Variants in GRM5 observed in about 807,000 individuals in gnomAD.
The protein encoded by GRM5 is metabotropic glutamate receptor 5.
A neutral mutation model predicts 83.1 loss-of-function variants in GRM5; 19 were observed. That is an observed-to-expected ratio of 0.23 (90% CI 0.16 to 0.34). The LOEUF is 0.34. Among genes scored for constraint, GRM5 ranks in the 10% least tolerant of loss-of-function variants. The pLI is 1.00. For synonymous variants in GRM5, 675 were observed against 633.6 expected, an observed-to-expected ratio of 1.07 and a Z score of -0.98; for missense variants, 1,160 against 1,588.3, an observed-to-expected ratio of 0.73 and a Z score of 4.58.
chr11:88,854,092 T>C (rs1303084790), intron 2 of GRM5, among the ~76,000 whole-genome samples: 1 of 129,168 alleles, frequency 7.7e-6, no homozygotes, highest in Non-Finnish European at 1.5e-5. Flanking sequence ...AATGAAATAC[T>C]AGTCAGCCTA....
At chr11:88,873,424 C>T (rs904978893) in intron 2 of GRM5, among the ~76,000 whole-genome samples, 23 of 151,498 alleles carry the variant, frequency 1.5e-4, no homozygotes, top group African/African-American at 5.6e-4. Context: ...TTCTCAGCAG[C>T]ACATGGAACA....
intron 2 of GRM5, among the ~76,000 whole-genome samples, chr11:88,882,783 C>G (rs577279267): frequency 6.6e-6 from 1 of 152,068 alleles, no homozygotes; most frequent in East Asian, 1.9e-4. Context: ...TGGCTGTGTT[C>G]CCACCCAAAT....
intron 3 of GRM5, among the ~76,000 whole-genome samples, chr11:88,818,249 T>G (rs891979961): frequency 6.6e-6 from 1 of 152,120 alleles, no homozygotes; most frequent in Non-Finnish European, 1.5e-5. Flanking sequence ...ACATTTGGTT[T>G]ACTTGCCACC....
intron 2 of GRM5, among the ~76,000 whole-genome samples, chr11:88,938,000 A>T (rs1401262169): frequency 1.3e-5 from 2 of 151,790 alleles, no homozygotes; most frequent in Admixed American, 6.6e-5. Flanking sequence ...TAGAGCTGAA[A>T]ATAATGTATT....
At position 89,029,138 on chromosome 11, in the gene GRM5, C is replaced by T. The variant is rs562724602; in HGVS notation, c.661+18074G>A. On this transcript the variant is annotated intron_variant, in intron 2 of 9. Coordinates refer to ENST00000305447, the MANE Select transcript of GRM5 (RefSeq NM_001143831.3). Reference sequence around the variant, plus strand: ...ATCTTTTTTATGCCTGCATAGTATTCCATGGTTTATATGTGCCACATTTTC... The same window carrying T: ...ATCTTTTTTATGCCTGCATAGTATTTCATGGTTTATATGTGCCACATTTTC... Among the ~76,000 whole-genome samples the T allele has an allele frequency of 2.9e-4, 44 of 152,318 alleles. 1 individual carries two copies. The South Asian group carries it at 5.4e-3, about 19-fold the overall frequency.
intron 9 of GRM5, chr11:88,524,184 T>TCTC (rs1555059972): frequency 2.1e-5 from 3 of 142,758 alleles, no homozygotes; most frequent in Non-Finnish European, 3.1e-5. Context: ...TTCTTTTCTT[T>TCTC]TTTCTTTTTC....
At chr11:89,020,831 C>G (rs1452903945) in intron 2 of GRM5, among the ~76,000 whole-genome samples, 1 of 152,100 alleles carries the variant, frequency 6.6e-6, no homozygotes, top group Non-Finnish European at 1.5e-5. Flanking sequence ...TCATTTAATT[C>G]TCAAATATCC....
Position 88,526,053 on chromosome 11 carries a change from G to T in GRM5, c.2631-649C>A, listed in dbSNP as rs118075972. On this transcript the variant is annotated intron_variant, in intron 8 of 9. Coordinates refer to ENST00000305447, the MANE Select transcript of GRM5 (RefSeq NM_001143831.3). ...CTCATTGAGTGATACCATTCTGGAT[G>T]TTGTTAGACATTGGCAATAACAGAG... Among the ~76,000 whole-genome samples the T allele has an allele frequency of 1.2e-3, 176 of 152,308 alleles. 3 individuals carry two copies. In the East Asian group the frequency reaches 0.021, roughly 19 times the overall value.
At chr11:89,049,832 G>GT (rs1257500197) in intron 1 of GRM5, among the ~76,000 whole-genome samples, 1 of 152,104 alleles carries the variant, frequency 6.6e-6, no homozygotes, top group Non-Finnish European at 1.5e-5. Context: ...ATTTTTCATT[G>GT]GCAAGTCATT....
chr11:88,909,545 T>TACACACACACAC (rs60637208), intron 2 of GRM5, among the ~76,000 whole-genome samples: 10 of 146,096 alleles, frequency 6.8e-5, no homozygotes, highest in East Asian at 4.0e-4. Flanking sequence ...TCCTCACCAG[T>TACACACACACAC]ACACACACAC....
At chr11:88,856,441 G>A (rs996731286) in intron 2 of GRM5, among the ~76,000 whole-genome samples, 3 of 151,956 alleles carry the variant, frequency 2.0e-5, no homozygotes, top group Non-Finnish European at 2.9e-5. Context: ...GGCCTTTAGG[G>A]GCAATAACAT....
At chr11:88,841,365 C>A (rs2135530807) in intron 3 of GRM5, among the ~76,000 whole-genome samples, 1 of 152,266 alleles carries the variant, frequency 6.6e-6, no homozygotes, top group African/African-American at 2.4e-5. Context: ...CCATCCTTTG[C>A]TAACACTAAA....
rs1189441234 is a variant in GRM5 at position 88,813,789 on chromosome 11, T to C, written c.911+36117A>G. On this transcript the variant is annotated intron_variant, in intron 3 of 9. Transcript: ENST00000305447. ...AAGATTCATATAAAATGTTGAATCA[T>C]CTGGAGAATTTCAGGCTTGGGTAGG... Among the ~76,000 whole-genome samples the C allele has an allele frequency of 2.6e-5, 4 of 152,186 alleles. 1 individual carries two copies. The highest frequency in any genetic ancestry group is 1.3e-4 in the Admixed American group (2 of 15,278).
At chr11:88,756,483 C>T (rs1172711084) in intron 3 of GRM5, among the ~76,000 whole-genome samples, 1 of 152,018 alleles carries the variant, frequency 6.6e-6, no homozygotes, top group Non-Finnish European at 1.5e-5. Flanking sequence ...AAGACATCAG[C>T]ATGACAAGAT....
chr11:88,849,426 G>A (rs1188524083), intron 3 of GRM5, among the ~76,000 whole-genome samples: 1 of 151,920 alleles, frequency 6.6e-6, no homozygotes, highest in Non-Finnish European at 1.5e-5. Context: ...AGGTCACCAG[G>A]CACCTACATT....
intron 2 of GRM5, among the ~76,000 whole-genome samples, chr11:88,967,271 ATATAT>A (rs1565313035): frequency 0.02 from 2,291 of 111,788 alleles, 65 homozygotes; most frequent in African/African-American, 0.078. Flanking sequence ...ATATATATAT[ATATAT>A]AAAATCTTCT....
intron 9 of GRM5, among the ~76,000 whole-genome samples, chr11:88,519,058 A>G (rs551502086): frequency 2.7e-4 from 41 of 149,806 alleles, no homozygotes; most frequent in African/African-American, 9.4e-4. Flanking sequence ...GGTAAAATAC[A>G]TTAGAATTAT....
chr11:88,842,118 A>G (rs1171775475), intron 3 of GRM5, among the ~76,000 whole-genome samples: 2 of 152,192 alleles, frequency 1.3e-5, no homozygotes, highest in African/African-American at 2.4e-5. Context: ...AACTTCTTAT[A>G]ATAGATTGGT....
intron 3 of GRM5, among the ~76,000 whole-genome samples, chr11:88,716,098 C>CA (rs1370283144): frequency 1.3e-5 from 2 of 151,752 alleles, no homozygotes; most frequent in South Asian, 2.1e-4. Context: ...AGCATTAAGG[C>CA]AAAAAAAGGA....
Sources: allele counts gnomAD v4.1 joint callset (sites outside exome capture counted in the v4.1 genomes callset), GRCh38; gene constraint gnomAD v4.1.1; transcripts MANE v1.5; gene names NCBI Gene and HGNC (gene_info 2026-07-23, HGNC 2026-07-21).